The following TRAPPC11 variants were observed in gnomAD, a reference collection of about 807,000 sequenced individuals.
The protein encoded by TRAPPC11 is foie gras homolog.
Under a neutral mutation model 151.2 loss-of-function variants are expected in TRAPPC11, and 104 were observed. The observed-to-expected ratio is 0.69, with a 90% CI of 0.59 to 0.81. The LOEUF (loss-of-function observed/expected upper bound fraction) is 0.81, where lower values mean the gene tolerates loss of function less well. Ranked by LOEUF, TRAPPC11 falls within the 30% of genes least tolerant of loss-of-function variation. The probability of loss-of-function intolerance (pLI) is 0.00; values close to 1 mark genes in which losing one functional copy is unlikely to be tolerated. For missense variants in TRAPPC11, 1,230 were observed against 1,349.6 expected (o/e 0.91, Z 1.39); for synonymous variants, 456 against 472.3 (o/e 0.97, Z 0.45).
chr4:183,684,632 T>C, intron 14 of TRAPPC11, 64 bp from the exon 15 acceptor site: 1 of 1,541,706 alleles, frequency 6.5e-7, no homozygotes, highest in Admixed American at 1.9e-5. Context: ...TATTTTTTTC[T>C]CCATGAACTC....
At chr4:183,663,738 T>G (rs2111288696) in intron 1 of TRAPPC11, 109 bp from the exon 2 acceptor site, 13 of 304,700 alleles carry the variant, frequency 4.3e-5, no homozygotes, top group South Asian at 2.1e-4. Context: ...TATGAGTTGT[T>G]TTTTTTTTTT....
At chr4:183,663,690 A>G (rs1268893037) in intron 1 of TRAPPC11, among the ~76,000 whole-genome samples, 157 bp from the exon 2 acceptor site, 1 of 149,852 alleles carries the variant, frequency 6.7e-6, no homozygotes, top group Non-Finnish European at 1.5e-5. Context: ...ATTTTTTTGT[A>G]ATGATTTTTA....
intron 2 of TRAPPC11, among the ~76,000 whole-genome samples, chr4:183,664,840 G>A (rs1022287378): frequency 2.0e-5 from 3 of 151,830 alleles, no homozygotes; most frequent in African/African-American, 7.3e-5. Context: ...CTAGAGCAGT[G>A]TCTCTGACAT....
chr4:183,686,500 G>A (rs1735975508), intron 17 of TRAPPC11, 118 bp from the exon 18 acceptor site: 1 of 1,149,122 alleles, frequency 8.7e-7, no homozygotes, highest in Non-Finnish European at 1.2e-6. Context: ...AAGTGCAGAA[G>A]TCAGTAAGAA....
chr4:183,685,753 C>A (rs539539622), intron 17 of TRAPPC11, among the ~76,000 whole-genome samples: 21 of 152,148 alleles, frequency 1.4e-4, no homozygotes, highest in Non-Finnish European at 2.6e-4. Context: ...ATTTCAGGAG[C>A]AGCTGTGTTT....
At chr4:183,695,557 C>T (rs529001004) in intron 23 of TRAPPC11, among the ~76,000 whole-genome samples, 1 of 152,220 alleles carries the variant, frequency 6.6e-6, no homozygotes, top group South Asian at 2.1e-4. Flanking sequence ...TAAATAGATT[C>T]AATTGTGCTG....
Position 183,697,756 on chromosome 4 carries a change from C to G in TRAPPC11, c.2772C>G (p.Ala924=). ...ACCTCTTAAGTGCCTCACCCTGGGC[C>G]CTCACTATTGTTTCCAGTGAGCTCC... ...MTDLLSASPW[A]LTIVSSELQL... is the part of the protein sequence containing the mutation. Residue 924 remains alanine (A), a synonymous_variant, in exon 25 of 30, where the codon GCC becomes GCG. Coordinates refer to ENST00000334690, the MANE Select transcript of TRAPPC11 (RefSeq NM_021942.6). 1.2e-6 allele frequency: 2 copies of G among 1,614,060 alleles called. No individual in the cohort carries two copies. Among genetic ancestry groups the G allele is most frequent in the Non-Finnish European group, 1.7e-6 (2 of 1,180,022 alleles).
intron 2 of TRAPPC11, among the ~76,000 whole-genome samples, chr4:183,665,766 C>T (rs1210691942): frequency 1.3e-5 from 2 of 152,190 alleles, no homozygotes; most frequent in African/African-American, 2.4e-5. Context: ...TTGTTCTCTG[C>T]TTTGTACTTC....
At chr4:183,672,736 T>A (rs1339305099) in intron 5 of TRAPPC11, among the ~76,000 whole-genome samples, 2 of 152,208 alleles carry the variant, frequency 1.3e-5, no homozygotes, top group Admixed American at 6.5e-5. Flanking sequence ...CTGTATTGAC[T>A]GTTTAACAGG....
intron 27 of TRAPPC11, among the ~76,000 whole-genome samples, chr4:183,706,277 A>G (rs1317432627): frequency 6.6e-6 from 1 of 152,216 alleles, no homozygotes; most frequent in East Asian, 1.9e-4. Context: ...TAATCCCAGC[A>G]CTTTGGGAGG....
chr4:183,709,214 A>G (rs79133226), intron 29 of TRAPPC11, among the ~76,000 whole-genome samples: 2,937 of 152,258 alleles, frequency 0.019, 61 homozygotes, highest in East Asian at 0.062. Flanking sequence ...ACATTAATAT[A>G]TGTCACTGCT....
chr4:183,676,051 A>T (rs1735390567), intron 7 of TRAPPC11, among the ~76,000 whole-genome samples: 1 of 152,242 alleles, frequency 6.6e-6, no homozygotes, highest in Non-Finnish European at 1.5e-5. Flanking sequence ...ATATTGCAGA[A>T]ACATCTTATT....
chr4:183,699,022 C>G lies in TRAPPC11; in HGVS notation c.2851+1187C>G, dbSNP rs1579215457. ...GGTCCTTAACTGTTTTCTTCCTTGG[C>G]AGTCATTCTCTTCCCTATCCTGCCT... is the stretch of plus-strand genomic sequence containing the variant. On this transcript the variant is annotated intron_variant, in intron 25 of 29. Coordinates refer to ENST00000334690, the MANE Select transcript of TRAPPC11 (RefSeq NM_021942.6). 3.9e-5 allele frequency among the ~76,000 whole-genome samples: 6 copies of G among 152,320 alleles called. 2 individuals carry two copies. Among genetic ancestry groups the G allele is most frequent in the Admixed American group, 3.9e-4 (6 of 15,304 alleles).
chr4:183,671,402 A>G (rs1735150486), intron 5 of TRAPPC11, among the ~76,000 whole-genome samples: 1 of 152,132 alleles, frequency 6.6e-6, no homozygotes, highest in African/African-American at 2.4e-5. Flanking sequence ...CCTTTTCCTG[A>G]AAAGGCTGGA....
rs754469264 is a variant in TRAPPC11, at chr4:183,708,494, C to T, written c.3277C>T (p.Leu1093Phe). 1.2e-6 allele frequency: 2 copies of T among 1,614,146 alleles called. No individual in the cohort carries two copies. Among genetic ancestry groups the T allele is most frequent in the Non-Finnish European group, 1.7e-6 (2 of 1,179,992 alleles). ...GGCTGGATACCAGCAGCTGCCATCT[C>T]TCAACATCAACTTGCTTAGATTTCC... ...LMAGYQQLPS[L>F]NINLLRFPNF... Residue 1093 changes from leucine to phenylalanine, a missense_variant, in exon 29 of 30, where the codon CTC (leucine) becomes TTC (phenylalanine). Leu to Phe is a conservative substitution (Grantham distance 22). Transcript: ENST00000334690.
intron 9 of TRAPPC11, 22 bp from the exon 10 acceptor site, chr4:183,680,098 T>C (rs1735600537): frequency 6.3e-7 from 1 of 1,592,840 alleles, no homozygotes; most frequent in Non-Finnish European, 8.5e-7. Flanking sequence ...CCTCTTTATT[T>C]CTTGATTTTC....
chr4:183,712,923 A>G lies in TRAPPC11; in HGVS notation c.*279A>G. 2.5e-6 allele frequency: 1 copy of G among 403,498 alleles called. No homozygotes were observed. Among genetic ancestry groups the G allele is most frequent in the Non-Finnish European group, 4.4e-6 (1 of 227,868 alleles). The allele number at this position is 403,498 out of a possible 1,614,324, so 25.0% of individuals were successfully genotyped here. Reference sequence around the variant, plus strand: ...ATTTGATGAATGGTAAATTCTATGAAAAGTAAGTGATTTGCATGTATAATA... The same window carrying G: ...ATTTGATGAATGGTAAATTCTATGAGAAGTAAGTGATTTGCATGTATAATA... On this transcript the variant is annotated 3_prime_UTR_variant, in exon 30 of 30. Transcript: ENST00000334690.
intron 18 of TRAPPC11, among the ~76,000 whole-genome samples, chr4:183,688,989 C>T (rs1219687132): frequency 6.6e-6 from 1 of 152,178 alleles, no homozygotes; most frequent in Non-Finnish European, 1.5e-5. Context: ...AGCCCACCCA[C>T]CTCAGCCTCC....
At chr4:183,666,114 G>T in intron 2 of TRAPPC11, 143 bp from the exon 3 acceptor site, 1 of 650,552 alleles carries the variant, frequency 1.5e-6, no homozygotes. Context: ...AGTTCTTACT[G>T]AATCTGTAAG....
Sources: allele counts gnomAD v4.1 joint callset (sites outside exome capture counted in the v4.1 genomes callset), GRCh38; gene constraint gnomAD v4.1.1; transcripts MANE v1.5; gene names NCBI Gene and HGNC (gene_info 2026-07-23, HGNC 2026-07-21).